UBR4: variants seen among roughly 807,000 people sequenced by gnomAD.
UBR4 encodes the protein E3 ubiquitin-protein ligase UBR4.
UBR4 carries 124 observed loss-of-function variants against 575.6 expected under a neutral mutation model. The observed-to-expected ratio is 0.22, with a 90% CI of 0.19 to 0.25. UBR4 has a LOEUF of 0.25. UBR4 is among the 10% of genes least tolerant of loss of function. UBR4 has a pLI of 1.00. For missense variants in UBR4, 4,818 were observed against 6,478.8 expected (o/e 0.74, Z 8.80); for synonymous variants, 2,455 against 2,473.7 (o/e 0.99, Z 0.22).
At position 19,122,866 on chromosome 1, in the gene UBR4, G is replaced by A; in HGVS notation, c.9783C>T (p.Gly3261=). Residue 3261 remains glycine, a synonymous_variant, in exon 66 of 106, where the codon GGC becomes GGT. Coordinates refer to ENST00000375254, the MANE Select transcript of UBR4 (RefSeq NM_020765.3). ...LRASVVTASS[G]SALQYDTLIS... is the part of the protein sequence containing the mutation. ...TGAGTGTGTCATATTGCAAGGCGGA[G>A]CCTGAGCTGGCTGTAACCACACTTG... The A allele has an allele frequency of 6.2e-7, 1 of 1,614,248 alleles. No individual in the cohort carries two copies. The highest frequency in any genetic ancestry group is 8.5e-7 in the Non-Finnish European group (1 of 1,180,038).
chr1:19,194,872 A>G (rs1197073022), intron 8 of UBR4, among the ~76,000 whole-genome samples: 1 of 152,130 alleles, frequency 6.6e-6, no homozygotes, highest in Non-Finnish European at 1.5e-5. Flanking sequence ...AGTCGACTCC[A>G]GAGGCTGAGG....
intron 33 of UBR4, 124 bp downstream of exon 33, chr1:19,164,129 C>T (rs2087882950): frequency 2.5e-6 from 3 of 1,184,208 alleles, no homozygotes; most frequent in Non-Finnish European, 3.5e-6. Flanking sequence ...ACCCACCCAA[C>T]TCCCAAACTC....
In UBR4 at chr1:19,192,234, G is replaced by A. The variant is rs370405493; in HGVS notation, c.1348C>T (p.Arg450Cys). The change falls in exon 11 of 106, where the codon CGT becomes TGT. Residue 450 changes from arginine (R) to cysteine (C), a missense_variant. Around this residue, in one of 29 missense-constraint regions of UBR4, gnomAD observed 162 missense variants for 216.4 expected, o/e 0.75. Transcript: ENST00000375254. Reference sequence around the variant, plus strand: ...GGGGAGCCCACTCCCTCTTTAGTACGAGAAAGGATGTCTCTGACTCGGAGG... The same window carrying A: ...GGGGAGCCCACTCCCTCTTTAGTACAAGAAAGGATGTCTCTGACTCGGAGG... ...AALRVRDILS[R>C]TKEGVGSPKL... The A allele has an allele frequency of 2.3e-5, 37 of 1,613,978 alleles. No homozygotes were observed. Among genetic ancestry groups the A allele is most frequent in the Non-Finnish European group, 3.1e-5 (36 of 1,180,022 alleles).
intron 101 of UBR4, among the ~76,000 whole-genome samples, chr1:19,085,104 G>A (rs867197005): frequency 1.3e-5 from 2 of 152,112 alleles, no homozygotes; most frequent in African/African-American, 4.8e-5. Context: ...AGGGTTTTTT[G>A]TTTTTGCTTT....
chr1:19,149,848 G>A (rs2085408515), intron 49 of UBR4: 2 of 1,270,736 alleles, frequency 1.6e-6, no homozygotes, highest in Non-Finnish European at 2.1e-6. Context: ...GAAGCTCAGA[G>A]AAACCCGGAA....
At chr1:19,134,086 T>TAAAAAAAAAAAAA (rs71030132) in intron 60 of UBR4, among the ~76,000 whole-genome samples, 4 of 52,524 alleles carry the variant, frequency 7.6e-5, no homozygotes, top group African/African-American at 3.5e-4. Flanking sequence ...ACTCTGTCTC[T>TAAAAAAAAAAAAA]AAAAAAAAAA....
rs2081161206 is a variant in UBR4, at chr1:19,121,421, G to A, written c.9909C>T (p.Phe3303=). Residue 3303 remains phenylalanine (F), a synonymous_variant, in exon 68 of 106, where the codon TTC becomes TTT. Transcript: ENST00000375254. ...FCIKDDSVLY[F]LLQVSFLVDE... is the part of the protein sequence containing the mutation. The stretch of plus-strand genomic sequence containing the variant: ...CCACAAGGAAACTGACTTGGAGGAG[G>A]AAGTACAGGACGGCTGCAAGCAGAG... 1 of 1,613,910 alleles carries A rather than the reference G, an allele frequency of 6.2e-7. No homozygotes were observed. The highest frequency in any genetic ancestry group is 8.5e-7 in the Non-Finnish European group (1 of 1,179,834).
In UBR4 at chr1:19,141,434, G is replaced by C. The variant is rs1317054629; in HGVS notation, c.8401C>G (p.Pro2801Ala). The C allele has an allele frequency of 1.9e-6, 3 of 1,614,118 alleles. No homozygotes were observed. In the Admixed American group the frequency reaches 5.0e-5, roughly 27 times the overall value. ...TCAGGTGGGATGTCCAGCATGGGGG[G>C]GAAGCCCTCTGCGCCTGCCAGCAGG... ...EALLAGAEGF[P>A]PMLDIPPDAD... Residue 2801 changes from proline to alanine, a missense_variant, in exon 57 of 106, where the codon CCC (proline) becomes GCC (alanine). Pro to Ala is a conservative substitution (Grantham distance 27). Around this residue, in one of 29 missense-constraint regions of UBR4, gnomAD observed 129 missense variants for 198.4 expected, o/e 0.65. Coordinates refer to ENST00000375254, the MANE Select transcript of UBR4 (RefSeq NM_020765.3).
chr1:19,128,292 C>A lies in UBR4; in HGVS notation c.9030G>T (p.Leu3010=). The change falls in exon 62 of 106, where the codon CTG becomes CTT. Residue 3010 remains leucine, a synonymous_variant. Transcript: ENST00000375254. ...MQVILMLTTD[L]DGEDEKDKGA... is the part of the protein sequence containing the mutation. Reference sequence around the variant, plus strand: ...CCTTGTCTTTCTCATCTTCTCCATCCAGATCTGTAGTGAGCATTAGAATGA... The same window carrying A: ...CCTTGTCTTTCTCATCTTCTCCATCAAGATCTGTAGTGAGCATTAGAATGA... The A allele has an allele frequency of 6.2e-7, 1 of 1,613,972 alleles. No homozygotes were observed. Among genetic ancestry groups the A allele is most frequent in the East Asian group, 2.2e-5 (1 of 44,868 alleles).
In UBR4 at chr1:19,177,564, T is replaced by A. The variant is rs1190369393; in HGVS notation, c.2534A>T (p.Asp845Val). ...QIIQELSVNM[D>V]AQMRFVPLIL... ...AAGCGGCACGAAGCGCATCTGAGCA[T>A]CCATGTTGACGCTCAACTCCTGGAT... The change falls in exon 19 of 106, where the codon GAT becomes GTT. Residue 845 changes from aspartate (D) to valine (V), a missense_variant. Around this residue, in one of 29 missense-constraint regions of UBR4, gnomAD observed 1,172 missense variants for 1,259.7 expected, o/e 0.93. Coordinates refer to ENST00000375254, the MANE Select transcript of UBR4 (RefSeq NM_020765.3). 6.2e-7 allele frequency: 1 copy of A among 1,613,774 alleles called. No individual in the cohort carries two copies.
Position 19,153,606 on chromosome 1 carries a change from G to C in UBR4, c.6631-104C>G, listed in dbSNP as rs2086035330. 1.3e-6 allele frequency: 2 copies of C among 1,503,142 alleles called. No homozygotes were observed. Among genetic ancestry groups the C allele is most frequent in the Admixed American group, 1.8e-5 (1 of 55,592 alleles). 93.1% of individuals were successfully genotyped at this position (1,503,142 alleles called of 1,614,324 possible). ...CAACTGGTTTCATGGTCAGTTGAGG[G>C]GCTGTACAGAAGGGTGGCAAAGAAA... On this transcript the variant is annotated intron_variant, in intron 45 of 105. Transcript: ENST00000375254. The surrounding 1 kb of genome is among the most constrained non-coding windows in gnomAD (Gnocchi z 4.1).
At position 19,124,656 on chromosome 1, in the gene UBR4, T is replaced by C; in HGVS notation, c.9473A>G (p.Gln3158Arg). ...CCTCAGTACCATTTCTGTTAGAAGC[T>C]GAGTATAGGCCTCAAACACATCAGC... ...HAADVFEAYTQLLTEMVLRLP... is the reference protein window; with the variant it reads ...HAADVFEAYTRLLTEMVLRLP... The change falls in exon 65 of 106, where the codon CAG becomes CGG. Residue 3158 changes from glutamine to arginine, a missense_variant. This residue lies in a region of UBR4 where 550 missense variants were observed against 791.5 expected (regional missense o/e 0.69). Coordinates refer to ENST00000375254, the MANE Select transcript of UBR4 (RefSeq NM_020765.3). 1 of 1,614,156 alleles carries C rather than the reference T, an allele frequency of 6.2e-7. No individual in the cohort carries two copies. Among genetic ancestry groups the C allele is most frequent in the Non-Finnish European group, 8.5e-7 (1 of 1,180,008 alleles).
chr1:19,123,451 TAAAAAAAA>T (rs35963937), intron 65 of UBR4, among the ~76,000 whole-genome samples: 3 of 135,818 alleles, frequency 2.2e-5, no homozygotes, highest in Non-Finnish European at 4.7e-5. Context: ...GACTTGGTCT[TAAAAAAAA>T]AAAAAAAAAC....
intron 1 of UBR4, among the ~76,000 whole-genome samples, chr1:19,206,075 T>C (rs759836823): frequency 6.6e-6 from 1 of 152,236 alleles, no homozygotes; most frequent in Non-Finnish European, 1.5e-5. Context: ...CGGTATGTGC[T>C]CCATTGAGCT....
intron 7 of UBR4, among the ~76,000 whole-genome samples, 160 bp from the exon 8 acceptor site, chr1:19,197,425 TC>T (rs2092525552): frequency 6.6e-6 from 1 of 152,036 alleles, no homozygotes; most frequent in Admixed American, 6.5e-5. Context: ...GCCCAGGAGT[TC>T]AAGACCAGCC....
At chr1:19,141,832 A>G (rs893078971) in intron 55 of UBR4, 55 bp from the exon 56 acceptor site, 10 of 1,598,662 alleles carry the variant, frequency 6.3e-6, no homozygotes, top group African/African-American at 1.3e-5. Flanking sequence ...CCCTTGGCAC[A>G]TGGTGCCATA....
In UBR4 at chr1:19,143,983, T is replaced by C. The variant is rs767245831; in HGVS notation, c.8176A>G (p.Met2726Val). Residue 2726 changes from methionine (M) to valine (V), a missense_variant, in exon 55 of 106, where the codon ATG becomes GTG. This residue lies in a region of UBR4 where 129 missense variants were observed against 198.4 expected (regional missense o/e 0.65). Transcript: ENST00000375254. Reference sequence around the variant, plus strand: ...CTAAACCCAGACCTCATATTACCCATTGGAGTGTTGCTTCGAGGGGAAGAG... The same window carrying C: ...CTAAACCCAGACCTCATATTACCCACTGGAGTGTTGCTTCGAGGGGAAGAG... ...LPSSPRSNTP[M>V]GDKDDDDDDD... The C allele has an allele frequency of 5.0e-6, 8 of 1,612,972 alleles. No homozygotes were observed. Among genetic ancestry groups the C allele is most frequent in the South Asian group, 2.2e-5 (2 of 91,070 alleles).
intron 31 of UBR4, 55 bp from the exon 32 acceptor site, chr1:19,165,052 G>C (rs2088091671): frequency 6.3e-7 from 1 of 1,597,572 alleles, no homozygotes; most frequent in Admixed American, 1.7e-5. Context: ...GGAAGAGAAA[G>C]AAGGGGCAAA....
chr1:19,166,859 G>C (rs963989305), intron 29 of UBR4, among the ~76,000 whole-genome samples, 163 bp downstream of exon 29: 2 of 150,992 alleles, frequency 1.3e-5, no homozygotes, highest in African/African-American at 4.9e-5. Context: ...TGACCCCACT[G>C]CACTCCACCC....
Sources: gnomAD v4.1 joint callset for allele counts (sites outside exome capture counted in the v4.1 genomes callset) on GRCh38, gnomAD v4.1.1 for gene constraint, gnomAD v4.1.1 regional missense constraint, Gnocchi (gnomAD v3.1) non-coding constraint, MANE v1.5 for transcripts, NCBI Gene and HGNC (gene_info 2026-07-23, HGNC 2026-07-21) for gene names.